Variants in CHD9NB observed in about 807,000 individuals in gnomAD.
The protein encoded by CHD9NB is CHD9 neighbor protein.
chr16:53,051,623 G>A, the CHD9NB span, among the ~76,000 whole-genome samples: 2 of 133,478 alleles, frequency 1.5e-5, no homozygotes, highest in African/African-American at 5.7e-5. Flanking sequence ...CTGTTGTGGG[G>A]TAGGGGGAGG....
At chr16:53,035,840 C>T in the CHD9NB span, 1 of 152,076 alleles carries the variant, frequency 6.6e-6, no homozygotes, top group Non-Finnish European at 1.5e-5. Flanking sequence ...TGGCACATGC[C>T]TGTAGTTTTA....
the CHD9NB span, among the ~76,000 whole-genome samples, chr16:53,038,824 T>A: frequency 6.6e-6 from 1 of 152,234 alleles, no homozygotes; most frequent in African/African-American, 2.4e-5. Flanking sequence ...TGTGTTTTAA[T>A]CTATAAAATG....
At chr16:53,039,007 G>GC in the CHD9NB span, among the ~76,000 whole-genome samples, 5,596 of 151,904 alleles carry the variant, frequency 0.037, 331 homozygotes, top group African/African-American at 0.13. Flanking sequence ...CTTTAAACCT[G>GC]CCCCTCCTTG....
the CHD9NB span, among the ~76,000 whole-genome samples, chr16:53,050,819 G>C: frequency 6.6e-6 from 1 of 152,000 alleles, no homozygotes; most frequent in South Asian, 2.1e-4. Context: ...CTGGGGACCT[G>C]ACACCATCTT....
At chr16:53,044,320 T>A in the CHD9NB span, 1 of 395,808 alleles carries the variant, frequency 2.5e-6, no homozygotes, top group Admixed American at 4.4e-5. Context: ...CCGCTGTGCA[T>A]AAGGAGCCCC....
chr16:53,051,794 T>C, the CHD9NB span, among the ~76,000 whole-genome samples: 107 of 82,236 alleles, frequency 1.3e-3, 2 homozygotes, highest in Non-Finnish European at 1.7e-3. Flanking sequence ...TATATATATA[T>C]ATATATATAT....
At chr16:53,049,815 A>T in the CHD9NB span, among the ~76,000 whole-genome samples, 1 of 152,170 alleles carries the variant, frequency 6.6e-6, no homozygotes, top group African/African-American at 2.4e-5. Context: ...CTGGGTTTGA[A>T]TACCACCTCT....
At chr16:53,039,835 T>C in the CHD9NB span, among the ~76,000 whole-genome samples, 2 of 151,982 alleles carry the variant, frequency 1.3e-5, no homozygotes, top group African/African-American at 4.8e-5. Flanking sequence ...GGCTATGCAG[T>C]GCTCAGGCTG....
chr16:53,043,740 G>A, the CHD9NB span: 1 of 307,342 alleles, frequency 3.3e-6, no homozygotes, highest in Non-Finnish European at 5.9e-6. Flanking sequence ...GAAGTTGCAG[G>A]AAAGTTCCAC....
the CHD9NB span, among the ~76,000 whole-genome samples, chr16:53,049,859 G>A: frequency 3.3e-5 from 5 of 152,136 alleles, no homozygotes; most frequent in Non-Finnish European, 7.3e-5. Flanking sequence ...TCAGCAAGTT[G>A]CTTAACATTT....
At chr16:53,044,067 G>A in the CHD9NB span, 1 of 398,816 alleles carries the variant, frequency 2.5e-6, no homozygotes, top group Admixed American at 4.4e-5. Context: ...CTGGGTGCCG[G>A]TCTCCAGACC....
chr16:53,050,695 A>G, the CHD9NB span, among the ~76,000 whole-genome samples: 1 of 139,602 alleles, frequency 7.2e-6, no homozygotes, highest in Non-Finnish European at 1.5e-5. Flanking sequence ...TTAAGTTGCC[A>G]GTCAGTCCAC....
chr16:53,051,829 C>T, the CHD9NB span, among the ~76,000 whole-genome samples: 1 of 135,058 alleles, frequency 7.4e-6, no homozygotes, highest in Non-Finnish European at 1.5e-5. Context: ...CCTTGCCTAT[C>T]CTGTTCCATA....
chr16:53,044,660 G>C, the CHD9NB span, among the ~76,000 whole-genome samples: 1 of 152,190 alleles, frequency 6.6e-6, no homozygotes, highest in Non-Finnish European at 1.5e-5. Context: ...TAGGACCGTG[G>C]ACTCCCAGGG....
chr16:53,044,370 T>A, the CHD9NB span: 1 of 388,700 alleles, frequency 2.6e-6, no homozygotes, highest in East Asian at 3.7e-5. Flanking sequence ...CCCTTCCGGC[T>A]AACCTGGCCA....
chr16:53,037,270 C>T, the CHD9NB span, among the ~76,000 whole-genome samples: 1 of 152,188 alleles, frequency 6.6e-6, no homozygotes, highest in African/African-American at 2.4e-5. Flanking sequence ...GCCTCAGCTT[C>T]TTCCCTTACA....
At chr16:53,051,890 G>A in the CHD9NB span, among the ~76,000 whole-genome samples, 1 of 149,256 alleles carries the variant, frequency 6.7e-6, no homozygotes, top group African/African-American at 2.5e-5. Flanking sequence ...ACAGTAGTGA[G>A]GTGTTCAGGG....
At chr16:53,042,479 C>T in the CHD9NB span, among the ~76,000 whole-genome samples, 143 of 150,490 alleles carry the variant, frequency 9.5e-4, 1 homozygote, top group African/African-American at 3.3e-3. Flanking sequence ...CCTCTCCCTA[C>T]CTCTTTCCTC....
At chr16:53,046,097 C>G in the CHD9NB span, among the ~76,000 whole-genome samples, 1 of 152,236 alleles carries the variant, frequency 6.6e-6, no homozygotes, top group Non-Finnish European at 1.5e-5. Flanking sequence ...ACATAAATGC[C>G]AAAGTATACT....
Sources: gnomAD v4.1 joint callset for allele counts (sites outside exome capture counted in the v4.1 genomes callset) on GRCh38, gnomAD v4.1.1 for gene constraint, MANE v1.5 for transcripts, NCBI Gene and HGNC (gene_info 2026-07-23, HGNC 2026-07-21) for gene names.